Variants in ORC5 observed in about 807,000 individuals in gnomAD.
ORC5 encodes the protein origin recognition complex subunit 5.
ORC5 carries 39 observed loss-of-function variants against 58.8 expected under a neutral mutation model. The ratio of observed to expected loss-of-function variants is 0.66; its 90% CI spans 0.51 to 0.87. The LOEUF (loss-of-function observed/expected upper bound fraction) is 0.87, where lower values mean the gene tolerates loss of function less well. Among genes scored for constraint, ORC5 ranks in the 40% least tolerant of loss-of-function variants. The probability of loss-of-function intolerance (pLI) is 0.00; values close to 1 mark genes in which losing one functional copy is unlikely to be tolerated. For synonymous variants in ORC5, 218 were observed against 177.6 expected, an observed-to-expected ratio of 1.23 and a Z score of -1.81; for missense variants, 493 against 506.3, an observed-to-expected ratio of 0.97 and a Z score of 0.25.
chr7:104,130,713 A>T (rs1798500085), intron 13 of ORC5, among the ~76,000 whole-genome samples: 1 of 152,210 alleles, frequency 6.6e-6, no homozygotes, highest in South Asian at 2.1e-4. Context: ...TCTACTTCTA[A>T]AGAAATAAAT....
chr7:104,164,832 TATCTACCTACCA>T (rs1035457903), intron 11 of ORC5, among the ~76,000 whole-genome samples: 1 of 152,194 alleles, frequency 6.6e-6, no homozygotes, highest in African/African-American at 2.4e-5. Flanking sequence ...GTCACCTCAA[TATCTACCTACCA>T]TGCAATTGCA....
intron 8 of ORC5, among the ~76,000 whole-genome samples, chr7:104,173,889 G>C (rs1026766452): frequency 7.5e-6 from 1 of 133,676 alleles, no homozygotes; most frequent in Non-Finnish European, 1.6e-5. Flanking sequence ...CTGTCGCCCA[G>C]GCTGGAGTGC....
intron 3 of ORC5, among the ~76,000 whole-genome samples, chr7:104,200,472 A>G (rs1402018531): frequency 2.0e-5 from 3 of 152,200 alleles, no homozygotes; most frequent in Non-Finnish European, 4.4e-5. Flanking sequence ...GTCTGTCTCA[A>G]ATGCTAATAC....
intron 12 of ORC5, among the ~76,000 whole-genome samples, chr7:104,141,493 C>G (rs1017836794): frequency 5.9e-5 from 9 of 152,182 alleles, no homozygotes; most frequent in African/African-American, 2.2e-4. Flanking sequence ...AGACTTCAGA[C>G]TGGTCAGTTC....
At chr7:104,145,810 A>C (rs539325537) in intron 12 of ORC5, among the ~76,000 whole-genome samples, 1 of 152,280 alleles carries the variant, frequency 6.6e-6, no homozygotes, top group East Asian at 1.9e-4. Flanking sequence ...CAAGAGCGAA[A>C]GGTGAACCAA....
chr7:104,174,083 A>T (rs1799272177), intron 8 of ORC5, among the ~76,000 whole-genome samples: 1 of 151,774 alleles, frequency 6.6e-6, no homozygotes, highest in African/African-American at 2.4e-5. Flanking sequence ...TGACCTCGTG[A>T]TCCGCCCGCC....
At chr7:104,127,031 G>C (rs1288807968) in intron 13 of ORC5, 138 bp from the exon 14 acceptor site, 6 of 497,368 alleles carry the variant, frequency 1.2e-5, no homozygotes, top group Non-Finnish European at 2.2e-5. Flanking sequence ...ACCCTGATAG[G>C]ACTGACATTA....
chr7:104,207,992 G>T lies in ORC5; in HGVS notation c.-88C>A. On this transcript the variant is annotated 5_prime_UTR_variant, in exon 1 of 14. Transcript: ENST00000297431. ...GCCTCTCCCGAGTCTGGCGGCCCAC[G>T]CTCCCGCCGGAAACCGGACCCGCAG... 5 of 1,289,752 alleles carry T rather than the reference G, an allele frequency of 3.9e-6. No individual in the cohort carries two copies. Among genetic ancestry groups the T allele is most frequent in the South Asian group, 1.2e-5 (1 of 81,216 alleles). The allele number at this position is 1,289,752 out of a possible 1,614,324, so 79.9% of individuals were successfully genotyped here. A position where few individuals can be genotyped will look rare whatever the true frequency, so the allele number is the denominator to read the frequency against.
intron 12 of ORC5, among the ~76,000 whole-genome samples, chr7:104,157,174 G>A (rs551885156): frequency 2.6e-5 from 4 of 151,902 alleles, no homozygotes; most frequent in Admixed American, 6.6e-5. Context: ...AGGCATGTGG[G>A]AGAAATACTC....
chr7:104,200,610 G>A (rs1022450781), intron 3 of ORC5, 148 bp downstream of exon 3: 1 of 603,552 alleles, frequency 1.7e-6, no homozygotes, highest in Non-Finnish European at 2.9e-6. Context: ...CCTTGGATAA[G>A]GAATATATTT....
rs1798488088 is a variant in ORC5, at chr7:104,129,939, A to C, written c.1263-3046T>G. Among the ~76,000 whole-genome samples, 1 of 152,212 alleles carries C rather than the reference A, an allele frequency of 6.6e-6. No individual in the cohort carries two copies. The highest frequency in any genetic ancestry group is 1.5e-5 in the Non-Finnish European group (1 of 68,034). On this transcript the variant is annotated intron_variant, in intron 13 of 13. Coordinates refer to ENST00000297431, the MANE Select transcript of ORC5 (RefSeq NM_002553.4). The surrounding 1 kb of genome is among the most constrained non-coding windows in gnomAD (Gnocchi z 4.9). ...TTAATTATATGGCATATATTTAAGG[A>C]TTTAATTTTGCCTTTATCCTTTTAT... is the stretch of plus-strand genomic sequence containing the variant.
At chr7:104,190,790 C>A (rs1799657270) in intron 5 of ORC5, among the ~76,000 whole-genome samples, 1 of 151,964 alleles carries the variant, frequency 6.6e-6, no homozygotes, top group Non-Finnish European at 1.5e-5. Flanking sequence ...AGGAAAAACT[C>A]TTCCAGGATA....
intron 13 of ORC5, among the ~76,000 whole-genome samples, chr7:104,128,673 C>T (rs1440093402): frequency 9.3e-6 from 1 of 107,878 alleles, no homozygotes; most frequent in Admixed American, 1.0e-4. Context: ...ATCCCTCCCC[C>T]CTCCCCCCCA....
At chr7:104,197,295 A>C (rs1799823099) in intron 4 of ORC5, among the ~76,000 whole-genome samples, 1 of 152,236 alleles carries the variant, frequency 6.6e-6, no homozygotes, top group Non-Finnish European at 1.5e-5. Context: ...CCAACACAAG[A>C]GTAAACTGAA....
At chr7:104,172,533 C>T (rs1358788521) in intron 8 of ORC5, among the ~76,000 whole-genome samples, 1 of 152,054 alleles carries the variant, frequency 6.6e-6, no homozygotes, top group Non-Finnish European at 1.5e-5. Flanking sequence ...TAGAATAAGG[C>T]ATTCATGAGA....
At chr7:104,194,319 C>T (rs181095219) in intron 5 of ORC5, among the ~76,000 whole-genome samples, 1 of 152,146 alleles carries the variant, frequency 6.6e-6, no homozygotes, top group Admixed American at 6.5e-5. Flanking sequence ...GGTATGTTTA[C>T]AGCTGATTAG....
chr7:104,146,589 C>T (rs1798756209), intron 12 of ORC5, among the ~76,000 whole-genome samples: 1 of 152,110 alleles, frequency 6.6e-6, no homozygotes, highest in Admixed American at 6.5e-5. Flanking sequence ...TATGCTTAAA[C>T]AAATTCTTGA....
At chr7:104,200,120 T>TA (rs1158201000) in intron 3 of ORC5, among the ~76,000 whole-genome samples, 1 of 152,252 alleles carries the variant, frequency 6.6e-6, no homozygotes, top group Non-Finnish European at 1.5e-5. Context: ...CTTTCCTTTA[T>TA]AAACTATCCA....
In ORC5 at chr7:104,204,211, G is replaced by A. The variant is rs757260080; in HGVS notation, c.96C>T (p.Ser32=). 2.5e-6 allele frequency: 4 copies of A among 1,598,132 alleles called. No homozygotes were observed. The East Asian group carries it at 9.0e-5, about 36-fold the overall frequency. The change falls in exon 2 of 14, where the codon TCC becomes TCT. Residue 32 remains serine, a synonymous_variant. Coordinates refer to ENST00000297431, the MANE Select transcript of ORC5 (RefSeq NM_002553.4). The part of the protein sequence containing the change: ...FGERHHFSFP[S]IFIYGHTASG... ...TAGCAGTATGTCCATAAATAAAAAT[G>A]GATGGAAAGCTGAAATGATGTCTCT...
Sources: allele counts gnomAD v4.1 joint callset (sites outside exome capture counted in the v4.1 genomes callset), GRCh38; gene constraint gnomAD v4.1.1; non-coding constraint Gnocchi (gnomAD v3.1); transcripts MANE v1.5; gene names NCBI Gene and HGNC (gene_info 2026-07-23, HGNC 2026-07-21).